The following MDN1 variants were observed in gnomAD, a reference collection of about 807,000 sequenced individuals.
The protein encoded by MDN1 is midasin.
Under a neutral mutation model 669.2 loss-of-function variants are expected in MDN1, and 266 were observed. The ratio of observed to expected loss-of-function variants is 0.40; its 90% CI spans 0.36 to 0.44. The LOEUF (loss-of-function observed/expected upper bound fraction) is 0.44. Among genes scored for constraint, MDN1 ranks in the 20% least tolerant of loss-of-function variants. The pLI is 1.00. For missense variants in MDN1, 5,940 were observed against 6,754.0 expected (o/e 0.88, Z 4.22); for synonymous variants, 2,385 against 2,457.1 (o/e 0.97, Z 0.87).
chr6:89,671,082 T>G lies in MDN1; in HGVS notation c.13795-2A>C, dbSNP rs867513287. 6.2e-7 allele frequency: 1 copy of G among 1,613,306 alleles called. No individual in the cohort carries two copies. Among genetic ancestry groups the G allele is most frequent in the Non-Finnish European group, 8.5e-7 (1 of 1,179,726 alleles). On this transcript the variant is annotated splice_acceptor_variant, in intron 82 of 101. Transcript: ENST00000369393. LOFTEE classifies it high-confidence loss of function. ...CAAGGAACAGGATTGGCTGAAGAAC[T>G]GAGACCAAAACAAAACAAAAGGCCT... is the stretch of plus-strand genomic sequence containing the variant.
chr6:89,808,371 G>T (rs897364299), intron 1 of MDN1, among the ~76,000 whole-genome samples: 1 of 152,018 alleles, frequency 6.6e-6, no homozygotes, highest in African/African-American at 2.4e-5. Context: ...TTTAAGTTTT[G>T]TTAGTATTGG....
intron 80 of MDN1, 123 bp from the exon 81 acceptor site, chr6:89,672,825 G>A: frequency 1.8e-6 from 2 of 1,095,192 alleles, no homozygotes; most frequent in South Asian, 1.8e-5. Flanking sequence ...AGCTGTGCCA[G>A]ATACAAAGAA....
chr6:89,682,083 G>T (rs1345200400), intron 73 of MDN1, among the ~76,000 whole-genome samples: 1 of 152,198 alleles, frequency 6.6e-6, no homozygotes, highest in Admixed American at 6.5e-5. Context: ...CAGGAATTTT[G>T]CAAGCCAAAT....
In MDN1 at chr6:89,674,515, G is replaced by C. The variant is rs1181789138; in HGVS notation, c.12836C>G (p.Pro4279Arg). ...GPQAYPVAFP[P>R]QDGVQQWTER... ...TGTCCACTGCTGCACGCCATCCTGA[G>C]GGGGGAAGGCCACGGGGTAGGCCTG... The change falls in exon 79 of 102, where the codon CCT becomes CGT. Residue 4279 changes from proline (P) to arginine (R), a missense_variant. By Grantham distance (103) the Pro-to-Arg change is moderately radical. This residue lies in a region of MDN1 where 2,280 missense variants were observed against 2,576.3 expected (regional missense o/e 0.88). Transcript: ENST00000369393. 3.1e-6 allele frequency: 5 copies of C among 1,609,264 alleles called. No individual in the cohort carries two copies. Among genetic ancestry groups the C allele is most frequent in the Non-Finnish European group, 4.2e-6 (5 of 1,179,668 alleles).
At chr6:89,667,381 G>T (rs1158733342) in intron 84 of MDN1, among the ~76,000 whole-genome samples, 11 of 151,958 alleles carry the variant, frequency 7.2e-5, no homozygotes, top group African/African-American at 2.4e-4. Flanking sequence ...GAGGGAATTT[G>T]AATTGGTTTT....
intron 33 of MDN1, among the ~76,000 whole-genome samples, chr6:89,734,352 T>A (rs1377058141): frequency 2.0e-5 from 3 of 151,468 alleles, no homozygotes; most frequent in African/African-American, 7.3e-5. Flanking sequence ...GACAAGGAAA[T>A]TTTAAACCTC....
chr6:89,646,410 A>G (rs1371914665), intron 100 of MDN1, 130 bp downstream of exon 100: 5 of 779,982 alleles, frequency 6.4e-6, no homozygotes, highest in Non-Finnish European at 1.1e-5. Context: ...AGCTCCATCA[A>G]TTTATGTCTT....
At chr6:89,677,749 G>A (rs895347088) in intron 75 of MDN1, 53 bp from the exon 76 acceptor site, 6 of 1,610,228 alleles carry the variant, frequency 3.7e-6, no homozygotes, top group Middle Eastern at 3.3e-4. Flanking sequence ...GAGAATGGAT[G>A]TGCCCCCCTC....
intron 17 of MDN1, among the ~76,000 whole-genome samples, chr6:89,760,898 C>T (rs1377929761): frequency 6.6e-6 from 1 of 152,150 alleles, no homozygotes; most frequent in Non-Finnish European, 1.5e-5. Flanking sequence ...CGGTGGCTCA[C>T]GCCTGTAATC....
intron 92 of MDN1, 25 bp from the exon 93 acceptor site, chr6:89,654,359 C>T (rs1809099016): frequency 1.2e-6 from 2 of 1,612,854 alleles, no homozygotes; most frequent in Non-Finnish European, 1.7e-6. Context: ...CGCACCCACA[C>T]ATAAAAATCC....
intron 76 of MDN1, among the ~76,000 whole-genome samples, chr6:89,677,224 C>T (rs1251278084): frequency 6.6e-6 from 1 of 152,074 alleles, no homozygotes; most frequent in Non-Finnish European, 1.5e-5. Context: ...TCCTGAGCAG[C>T]TGGGATTATA....
Position 89,785,113 on chromosome 6 carries a change from C to A in MDN1, c.1348G>T (p.Gly450Ter). ...FFATRRLLSC[G>*]GNWYRPLNSH... is the part of the protein sequence containing the mutation. ...TTTAGCGGTCGATACCAATTTCCTC[C>A]ACAGCTCAAGAGTCTACGTTTCAAA... Residue 450 changes from glycine (G) to a stop codon, truncating the protein, a stop_gained, in exon 9 of 102, where the codon GGA (glycine) becomes TGA (stop). Transcript: ENST00000369393. LOFTEE classifies it high-confidence loss of function. 1 of 1,613,336 alleles carries A rather than the reference C, an allele frequency of 6.2e-7. No individual in the cohort carries two copies. The highest frequency in any genetic ancestry group is 8.5e-7 in the Non-Finnish European group (1 of 1,179,316).
intron 1 of MDN1, among the ~76,000 whole-genome samples, chr6:89,816,434 G>A (rs1246710460): frequency 6.8e-4 from 2 of 2,920 alleles, no homozygotes; most frequent in Non-Finnish European, 7.1e-3. Context: ...CTGCATTTGG[G>A]GGAAAAAAAA....
At chr6:89,702,140 G>C in intron 53 of MDN1, 79 bp from the exon 54 acceptor site, 1 of 1,384,150 alleles carries the variant, frequency 7.2e-7, no homozygotes, top group East Asian at 2.4e-5. Context: ...AGTGAACCAA[G>C]ACTGCTCACC....
intron 33 of MDN1, among the ~76,000 whole-genome samples, chr6:89,735,369 CCT>C (rs1584289256): frequency 7.1e-6 from 1 of 141,688 alleles, no homozygotes; most frequent in East Asian, 2.1e-4. Context: ...TATCACAGAA[CCT>C]TTTTTTTTTT....
At chr6:89,688,023 G>T in intron 67 of MDN1, 55 bp downstream of exon 67, 1 of 1,402,366 alleles carries the variant, frequency 7.1e-7, no homozygotes, top group Non-Finnish European at 1.0e-6. Flanking sequence ...GCCACAAGAC[G>T]TATCTTTTGC....
At chr6:89,757,199 A>G (rs1817297964) in intron 19 of MDN1, among the ~76,000 whole-genome samples, 1 of 152,142 alleles carries the variant, frequency 6.6e-6, no homozygotes, top group African/African-American at 2.4e-5. Flanking sequence ...CTGGTCATTT[A>G]ATTTATTTTT....
chr6:89,681,180 CTT>C (rs57095551), intron 73 of MDN1, among the ~76,000 whole-genome samples: 2 of 147,484 alleles, frequency 1.4e-5, no homozygotes, highest in Non-Finnish European at 1.5e-5. Flanking sequence ...GATTTCTTTC[CTT>C]TTTTTTTTTG....
intron 1 of MDN1, among the ~76,000 whole-genome samples, chr6:89,813,956 G>T (rs553537946): frequency 6.6e-6 from 1 of 151,614 alleles, no homozygotes; most frequent in Admixed American, 6.6e-5. Context: ...AGCCAGACGC[G>T]GTGGCATGCC....
Sources: allele counts gnomAD v4.1 joint callset (sites outside exome capture counted in the v4.1 genomes callset), GRCh38; gene constraint gnomAD v4.1.1; regional missense constraint gnomAD v4.1.1; transcripts MANE v1.5; gene names NCBI Gene and HGNC (gene_info 2026-07-23, HGNC 2026-07-21).